UBE4B: variants seen among roughly 807,000 people sequenced by gnomAD.
UBE4B encodes ubiquitin conjugation factor E4 B.
Under a neutral mutation model 148.1 loss-of-function variants are expected in UBE4B, and 27 were observed. The observed-to-expected ratio is 0.18, with a 90% CI of 0.13 to 0.25. The LOEUF is 0.25. UBE4B is among the 10% of genes least tolerant of loss of function. The pLI is 1.00. For missense variants in UBE4B, 1,170 were observed against 1,662.4 expected (o/e 0.70, Z 5.15); for synonymous variants, 596 against 619.3 (o/e 0.96, Z 0.56).
At chr1:10,082,849 C>CTCCCTGTG (rs1644706937) in intron 2 of UBE4B, among the ~76,000 whole-genome samples, 1 of 151,470 alleles carries the variant, frequency 6.6e-6, no homozygotes, top group African/African-American at 2.4e-5. Flanking sequence ...TGTTGCTCCC[C>CTCCCTGTG]TCCCTGTGTC....
At chr1:10,115,141 T>C (rs1199183151) in intron 7 of UBE4B, among the ~76,000 whole-genome samples, 2 of 151,962 alleles carry the variant, frequency 1.3e-5, no homozygotes, top group Non-Finnish European at 2.9e-5. Context: ...TTCTCCTTCT[T>C]ACTGAAATAC....
At chr1:10,154,031 A>G (rs61782927) in intron 21 of UBE4B, among the ~76,000 whole-genome samples, 15,997 of 152,084 alleles carry the variant, frequency 0.11, 1,550 homozygotes, top group East Asian at 0.27. Context: ...ACGGTGAGCC[A>G]AGATCGCGCC....
intron 2 of UBE4B, among the ~76,000 whole-genome samples, chr1:10,079,986 T>C (rs967346261): frequency 6.6e-6 from 1 of 152,120 alleles, no homozygotes; most frequent in East Asian, 1.9e-4. Context: ...CTGTTTAGCA[T>C]GAGGGCATGA....
intron 2 of UBE4B, chr1:10,072,749 G>A (rs192542371): frequency 1.7e-4 from 65 of 371,530 alleles, no homozygotes; most frequent in Non-Finnish European, 2.5e-4. Flanking sequence ...ATCCAGGACT[G>A]TCTTTGTTGG....
At chr1:10,046,445 G>A (rs1643914030) in intron 1 of UBE4B, among the ~76,000 whole-genome samples, 1 of 152,164 alleles carries the variant, frequency 6.6e-6, no homozygotes, top group Admixed American at 6.5e-5. Flanking sequence ...TGGTGGAGAG[G>A]TTAGGATAAT....
chr1:10,047,488 C>CTTTTTTT (rs952378949), intron 1 of UBE4B, among the ~76,000 whole-genome samples: 20 of 116,026 alleles, frequency 1.7e-4, no homozygotes, highest in Non-Finnish European at 2.1e-4. Flanking sequence ...CTTCATATAT[C>CTTTTTTT]TTTTTTTTTT....
chr1:10,152,440 G>C (rs1347042392), intron 21 of UBE4B, among the ~76,000 whole-genome samples: 1 of 151,978 alleles, frequency 6.6e-6, no homozygotes, highest in Non-Finnish European at 1.5e-5. Context: ...AAACTCTCAT[G>C]AGAATGCAAA....
In UBE4B at chr1:10,179,447, C is replaced by T. The variant is rs139385554; in HGVS notation, c.3732C>T (p.Pro1244=). ...DPLMDTLMTD[P]VRLPSGTIMD... ...TGATGGACACCCTCATGACAGACCC[C>T]GTGCGGCTGCCCTCTGGCACCATCA... The change falls in exon 27 of 28, where the codon CCC becomes CCT. Residue 1244 remains proline, a synonymous_variant. Coordinates refer to ENST00000343090, the MANE Select transcript of UBE4B (RefSeq NM_001105562.3). The T allele has an allele frequency of 7.4e-6, 12 of 1,613,986 alleles. No homozygotes were observed. In the Admixed American group the frequency reaches 1.0e-4, roughly 13 times the overall value.
At chr1:10,100,113 C>T (rs1280250080) in intron 3 of UBE4B, among the ~76,000 whole-genome samples, 3 of 152,086 alleles carry the variant, frequency 2.0e-5, no homozygotes, top group African/African-American at 7.2e-5. Flanking sequence ...CCTCGGCCTC[C>T]TGAGTAGCTG....
At chr1:10,047,039 GT>G (rs1643926879) in intron 1 of UBE4B, among the ~76,000 whole-genome samples, 1 of 152,126 alleles carries the variant, frequency 6.6e-6, no homozygotes, top group South Asian at 2.1e-4. Context: ...GATATCACGG[GT>G]TTTGCCAAAT....
intron 17 of UBE4B, among the ~76,000 whole-genome samples, chr1:10,143,360 C>T (rs1295135785): frequency 6.6e-6 from 1 of 151,972 alleles, no homozygotes; most frequent in Non-Finnish European, 1.5e-5. Context: ...CAGATGATGC[C>T]AGTTTACTCC....
intron 2 of UBE4B, among the ~76,000 whole-genome samples, chr1:10,081,099 G>A (rs1182307953): frequency 6.6e-6 from 1 of 152,130 alleles, no homozygotes; most frequent in East Asian, 1.9e-4. Flanking sequence ...TTTCGCTCTT[G>A]TTGCCCAGGC....
chr1:10,155,011 T>C (rs908610000), intron 21 of UBE4B, among the ~76,000 whole-genome samples: 2 of 152,142 alleles, frequency 1.3e-5, no homozygotes, highest in African/African-American at 4.8e-5. Context: ...ACAAAACAAT[T>C]TTAGTTAAAT....
chr1:10,128,777 A>G, intron 11 of UBE4B: 1 of 152,316 alleles, frequency 6.6e-6, no homozygotes, highest in East Asian at 1.9e-4. Context: ...GTTGAAAATA[A>G]TGTTTGATTG....
chr1:10,130,629 G>A lies in UBE4B; in HGVS notation c.1812+13G>A, dbSNP rs769533285. 7.4e-6 allele frequency: 12 copies of A among 1,612,640 alleles called. No homozygotes were observed. The South Asian group carries it at 1.2e-4, about 16-fold the overall frequency. On this transcript the variant is annotated intron_variant, in intron 13 of 27. Coordinates refer to ENST00000343090, the MANE Select transcript of UBE4B (RefSeq NM_001105562.3). ...TGCAGAAGATGATGTAAGTATAGTGGCTACTTGTACTTTGCTGCCCTTTTA... is the reference window on the plus strand; with the variant it reads ...TGCAGAAGATGATGTAAGTATAGTGACTACTTGTACTTTGCTGCCCTTTTA...
At position 10,036,098 on chromosome 1, in the gene UBE4B, T is replaced by A. The variant is rs1643521638; in HGVS notation, c.24+2404T>A. Among the ~76,000 whole-genome samples the A allele has an allele frequency of 2.6e-5, 4 of 151,546 alleles. No individual in the cohort carries two copies. The South Asian group carries it at 8.5e-4, about 32-fold the overall frequency. ...TATAAATTACTTTTTTTTTTTTTTT[T>A]TGATGATCTGTTAATAGTCCTTGGT... On this transcript the variant is annotated intron_variant, in intron 1 of 27. Transcript: ENST00000343090.
At chr1:10,077,465 T>A in intron 2 of UBE4B, among the ~76,000 whole-genome samples, 1 of 152,204 alleles carries the variant, frequency 6.6e-6, no homozygotes, top group Non-Finnish European at 1.5e-5. Context: ...TTGTTTTTGA[T>A]CTGCATCTCC....
At position 10,168,429 on chromosome 1, in the gene UBE4B, AT is replaced by A. The variant is rs1366133044; in HGVS notation, c.3333+160del. Among the ~76,000 whole-genome samples the A allele has an allele frequency of 6.6e-6, 1 of 152,196 alleles. No individual in the cohort carries two copies. The highest frequency in any genetic ancestry group is 2.4e-5 in the African/African-American group (1 of 41,458). The stretch of plus-strand genomic sequence containing the variant: ...ATTTTGTTCCCAGTTATGCTAATTG[AT>A]ACCAGACTCTGTTGATGGACTGAAG... On this transcript the variant is annotated intron_variant, in intron 24 of 27. Transcript: ENST00000343090. The surrounding 1 kb of genome is among the most constrained non-coding windows in gnomAD (Gnocchi z 4.9).
chr1:10,102,768 T>C (rs1000885789), intron 4 of UBE4B, among the ~76,000 whole-genome samples, 180 bp from the exon 5 acceptor site: 1 of 152,116 alleles, frequency 6.6e-6, no homozygotes, highest in Non-Finnish European at 1.5e-5. Flanking sequence ...GACTTAGATG[T>C]TGTAACTTTG....
Sources: gnomAD v4.1 joint callset for allele counts (sites outside exome capture counted in the v4.1 genomes callset) on GRCh38, gnomAD v4.1.1 for gene constraint, Gnocchi (gnomAD v3.1) non-coding constraint, MANE v1.5 for transcripts, NCBI Gene and HGNC (gene_info 2026-07-23, HGNC 2026-07-21) for gene names.